The following SPAG16 variants were observed in gnomAD, a reference collection of about 807,000 sequenced individuals.
SPAG16 encodes sperm-associated antigen 16 protein.
In SPAG16, 86 loss-of-function variants were observed where a neutral mutation model predicts 80.4. The ratio of observed to expected loss-of-function variants is 1.07; its 90% CI spans 0.90 to 1.28. The LOEUF (loss-of-function observed/expected upper bound fraction) is 1.28. SPAG16 is among the 50% of genes most tolerant of loss of function. The pLI, the probability that SPAG16 is intolerant of heterozygous loss-of-function variation, is 0.00. For synonymous variants in SPAG16, 294 were observed against 265.9 expected (o/e 1.11, Z -1.03); for missense variants, 870 against 765.3 (o/e 1.14, Z -1.61).
At chr2:213,661,809 A>G (rs1460729512) in intron 10 of SPAG16, among the ~76,000 whole-genome samples, 1 of 152,200 alleles carries the variant, frequency 6.6e-6, no homozygotes, top group Non-Finnish European at 1.5e-5. Context: ...AAAATGTGTT[A>G]CTTATGTTCA....
intron 13 of SPAG16, among the ~76,000 whole-genome samples, chr2:214,037,864 G>GGTAT (rs374110237): frequency 0.069 from 9,194 of 133,654 alleles, 489 homozygotes; most frequent in East Asian, 0.17. Context: ...CCAGAAGCCT[G>GGTAT]GTGTGTGTGT....
chr2:213,530,634 C>T (rs2076035550), intron 10 of SPAG16, among the ~76,000 whole-genome samples: 1 of 152,084 alleles, frequency 6.6e-6, no homozygotes, highest in Non-Finnish European at 1.5e-5. Flanking sequence ...TATTTCTTCC[C>T]AAATCTAAAT....
chr2:213,951,033 A>G (rs1306911916), intron 12 of SPAG16, among the ~76,000 whole-genome samples: 1 of 129,186 alleles, frequency 7.7e-6, no homozygotes, highest in Non-Finnish European at 1.7e-5. Context: ...TTTTTTTTTT[A>G]ATAATACATT....
intron 10 of SPAG16, among the ~76,000 whole-genome samples, chr2:213,691,100 A>G (rs1029158574): frequency 1.3e-5 from 2 of 152,182 alleles, no homozygotes; most frequent in Non-Finnish European, 2.9e-5. Context: ...CACTGGCAAC[A>G]TCTGAATTTT....
chr2:213,432,372 A>G (rs556077841), intron 9 of SPAG16, among the ~76,000 whole-genome samples: 10 of 152,158 alleles, frequency 6.6e-5, no homozygotes, highest in African/African-American at 2.2e-4. Context: ...AAGTGAGAAG[A>G]TCCAAATAAA....
At chr2:213,903,094 C>T (rs1448738311) in intron 11 of SPAG16, among the ~76,000 whole-genome samples, 1 of 152,220 alleles carries the variant, frequency 6.6e-6, no homozygotes, top group African/African-American at 2.4e-5. Flanking sequence ...GCTGCTTTCA[C>T]AGGCTAGCAT....
At chr2:213,401,490 T>C (rs2068306906) in intron 9 of SPAG16, among the ~76,000 whole-genome samples, 1 of 152,234 alleles carries the variant, frequency 6.6e-6, no homozygotes, top group Non-Finnish European at 1.5e-5. Flanking sequence ...GATTAAAGGA[T>C]ATAAACAAGT....
chr2:214,288,831 C>T (rs890059236), intron 15 of SPAG16, among the ~76,000 whole-genome samples: 9 of 151,396 alleles, frequency 5.9e-5, no homozygotes, highest in Non-Finnish European at 1.2e-4. Context: ...TGCAGTGGCG[C>T]GATCTCAGCT....
intron 10 of SPAG16, among the ~76,000 whole-genome samples, chr2:213,785,654 A>G (rs2070290638): frequency 6.6e-6 from 1 of 152,192 alleles, no homozygotes; most frequent in Admixed American, 6.5e-5. Context: ...TGGTCCTTTG[A>G]GTTAACATTT....
rs1456510264 is a variant in SPAG16, at chr2:213,948,116, A to G, written c.1400+17971A>G. Among the ~76,000 whole-genome samples, 6 of 152,058 alleles carry G rather than the reference A, an allele frequency of 3.9e-5. No individual in the cohort carries two copies. The East Asian group carries it at 1.2e-3, about 29-fold the overall frequency. Reference sequence around the variant, plus strand: ...AACTTCTCAGAATTAGTTTCCCTGTAGGCTCTTCTCCAGCAATCCACCTAT... The same window carrying G: ...AACTTCTCAGAATTAGTTTCCCTGTGGGCTCTTCTCCAGCAATCCACCTAT... On this transcript the variant is annotated intron_variant, in intron 12 of 15. Coordinates refer to ENST00000331683, the MANE Select transcript of SPAG16 (RefSeq NM_024532.5).
At chr2:214,072,782 TA>T (rs567309731) in intron 13 of SPAG16, among the ~76,000 whole-genome samples, 7 of 152,122 alleles carry the variant, frequency 4.6e-5, no homozygotes, top group African/African-American at 1.7e-4. Context: ...TAGGACTTTT[TA>T]AAAAATGTTT....
intron 9 of SPAG16, among the ~76,000 whole-genome samples, chr2:213,454,660 T>A (rs1266368253): frequency 6.6e-6 from 1 of 152,200 alleles, no homozygotes; most frequent in Non-Finnish European, 1.5e-5. Flanking sequence ...GCAGTGACTT[T>A]CTAAGCAGCC....
At chr2:213,397,509 TA>T (rs113020475) in intron 9 of SPAG16, among the ~76,000 whole-genome samples, 11,246 of 152,096 alleles carry the variant, frequency 0.074, 1,373 homozygotes, top group African/African-American at 0.25. Flanking sequence ...TTTTGTCAAT[TA>T]AAAAAATTAA....
chr2:214,388,926 C>A (rs1700910544), intron 15 of SPAG16, among the ~76,000 whole-genome samples: 1 of 152,096 alleles, frequency 6.6e-6, no homozygotes, highest in East Asian at 1.9e-4. Context: ...TAAACACAAG[C>A]CACAAGACAA....
chr2:214,012,288 A>ATATATTTTTTT (rs1553694500), intron 12 of SPAG16, among the ~76,000 whole-genome samples: 6 of 46,806 alleles, frequency 1.3e-4, no homozygotes, highest in Admixed American at 3.5e-4. Flanking sequence ...ATATATATAT[A>ATATATTTTTTT]TTTTTTTTTT....
At chr2:213,327,538 G>A (rs1166615185) in intron 5 of SPAG16, among the ~76,000 whole-genome samples, 1 of 152,004 alleles carries the variant, frequency 6.6e-6, no homozygotes, top group Non-Finnish European at 1.5e-5. Context: ...CACATTTATG[G>A]TTCTGCTTAA....
In SPAG16 at chr2:213,357,327, C is replaced by T. The variant is rs552626772; in HGVS notation, c.762+6682C>T. Among the ~76,000 whole-genome samples the T allele has an allele frequency of 8.5e-4, 129 of 152,176 alleles. 1 individual carries two copies. The highest frequency in any genetic ancestry group is 1.2e-3 in the South Asian group (6 of 4,820). On this transcript the variant is annotated intron_variant, in intron 7 of 15. Coordinates refer to ENST00000331683, the MANE Select transcript of SPAG16 (RefSeq NM_024532.5). ...GGATATCCTTGTTAACCTTCTGTCT[C>T]GTTGATCTGTCTAATATTGACAGTA...
At position 214,151,675 on chromosome 2, in the gene SPAG16, C is replaced by A. The variant is rs145525300; in HGVS notation, c.1720+2409C>A. Among the ~76,000 whole-genome samples the A allele has an allele frequency of 2.0e-5, 3 of 152,176 alleles. No individual in the cohort carries two copies. In the East Asian group the frequency reaches 5.8e-4, roughly 29 times the overall value. The stretch of plus-strand genomic sequence containing the variant: ...GAGGGCTCACATTAGTTATGTCTAA[C>A]CATTTTTTCTAGTCAAAACTCTGTG... On this transcript the variant is annotated intron_variant, in intron 15 of 15. Transcript: ENST00000331683.
chr2:213,686,738 G>C (rs572357816), intron 10 of SPAG16, among the ~76,000 whole-genome samples: 81 of 129,950 alleles, frequency 6.2e-4, no homozygotes, highest in African/African-American at 2.1e-3. Context: ...CCAGGCTGGA[G>C]TGTAGTGGTG....
Sources: allele counts gnomAD v4.1 joint callset (sites outside exome capture counted in the v4.1 genomes callset), GRCh38; gene constraint gnomAD v4.1.1; transcripts MANE v1.5; gene names NCBI Gene and HGNC (gene_info 2026-07-23, HGNC 2026-07-21).